KCNH1: variants seen among roughly 807,000 people sequenced by gnomAD.
KCNH1 encodes the protein voltage-gated delayed rectifier potassium channel KCNH1.
Under a neutral mutation model 69.2 loss-of-function variants are expected in KCNH1, and 27 were observed. That is an observed-to-expected ratio of 0.39 (90% CI 0.29 to 0.54). The LOEUF (loss-of-function observed/expected upper bound fraction) is 0.54, where lower values mean the gene tolerates loss of function less well. Among genes scored for constraint, KCNH1 ranks in the 20% least tolerant of loss-of-function variants. KCNH1 has a pLI of 0.68. For missense variants in KCNH1, 798 were observed against 1,261.6 expected (o/e 0.63, Z 5.57); for synonymous variants, 456 against 487.7 (o/e 0.93, Z 0.86).
intron 6 of KCNH1, among the ~76,000 whole-genome samples, chr1:211,011,658 T>A (rs990258241): frequency 6.6e-6 from 1 of 152,202 alleles, no homozygotes; most frequent in Non-Finnish European, 1.5e-5. Context: ...GGTTAATCAC[T>A]GCTTCCTGGA....
At chr1:210,742,873 G>A (rs527866266) in intron 10 of KCNH1, among the ~76,000 whole-genome samples, 6 of 152,234 alleles carry the variant, frequency 3.9e-5, no homozygotes, top group South Asian at 2.1e-4. Flanking sequence ...GCGCGTGCAC[G>A]TGCATGTGTG....
intron 7 of KCNH1, among the ~76,000 whole-genome samples, chr1:210,909,441 A>G (rs1007004563): frequency 2.0e-5 from 3 of 152,264 alleles, no homozygotes; most frequent in African/African-American, 7.2e-5. Flanking sequence ...ATCAACTAGC[A>G]GGCCATCTGT....
At chr1:210,894,412 C>T (rs2102526896) in intron 7 of KCNH1, among the ~76,000 whole-genome samples, 1 of 152,294 alleles carries the variant, frequency 6.6e-6, no homozygotes, top group South Asian at 2.1e-4. Flanking sequence ...CTTGTGCAAG[C>T]ACCAGTCACT....
chr1:210,886,628 G>A (rs776013391), intron 7 of KCNH1, among the ~76,000 whole-genome samples: 40 of 151,968 alleles, frequency 2.6e-4, no homozygotes, highest in Middle Eastern at 3.4e-3. Context: ...CTAACCCAAT[G>A]CAAGGAAGCT....
chr1:210,870,789 C>A (rs535649740), intron 7 of KCNH1, among the ~76,000 whole-genome samples: 3 of 152,262 alleles, frequency 2.0e-5, no homozygotes, highest in African/African-American at 7.2e-5. Flanking sequence ...CTTCCCACTG[C>A]AGTTGCCTTT....
At chr1:211,132,833 A>C (rs1400262705) in intron 1 of KCNH1, 4 of 152,206 alleles carry the variant, frequency 2.6e-5, no homozygotes, top group Non-Finnish European at 5.9e-5. Context: ...AGAGCATCTT[A>C]TGCTTGGCTA....
At chr1:210,794,523 A>T (rs1684269347) in intron 9 of KCNH1, among the ~76,000 whole-genome samples, 1 of 152,232 alleles carries the variant, frequency 6.6e-6, no homozygotes, top group Non-Finnish European at 1.5e-5. Context: ...GTAATTCAAC[A>T]ATAAATCAAG....
In KCNH1 at chr1:210,696,412, A is replaced by C. The variant is rs111683223; in HGVS notation, c.2113-12274T>G. Among the ~76,000 whole-genome samples, 1,485 of 151,784 alleles carry C rather than the reference A, an allele frequency of 9.8e-3. 11 individuals are homozygous for C. Among genetic ancestry groups the C allele is most frequent in the Middle Eastern group, 0.031 (9 of 294 alleles). ...TTGCTCTTTTAGCCTTTCAACTCCAACTCCATGATTTAAATCCTCTCTTAA... is the reference window on the plus strand; with the variant it reads ...TTGCTCTTTTAGCCTTTCAACTCCACCTCCATGATTTAAATCCTCTCTTAA... On this transcript the variant is annotated intron_variant, in intron 10 of 10. Transcript: ENST00000271751.
intron 6 of KCNH1, among the ~76,000 whole-genome samples, chr1:210,929,444 A>T (rs553755957): frequency 6.6e-6 from 1 of 152,318 alleles, no homozygotes; most frequent in South Asian, 2.1e-4. Flanking sequence ...TTATCTCAAT[A>T]GACACAGAAA....
chr1:210,749,053 C>G (rs2149041462), intron 10 of KCNH1, among the ~76,000 whole-genome samples: 1 of 152,300 alleles, frequency 6.6e-6, no homozygotes, highest in African/African-American at 2.4e-5. Flanking sequence ...TCCCCAGGCT[C>G]TCCTGCTTTC....
intron 5 of KCNH1, among the ~76,000 whole-genome samples, chr1:211,039,604 A>C (rs4951710): frequency 0.76 from 114,842 of 152,076 alleles, 43,797 homozygotes; most frequent in East Asian, 0.89. Flanking sequence ...TGGGAACGTA[A>C]CTCTTGCATC....
intron 5 of KCNH1, among the ~76,000 whole-genome samples, chr1:211,066,967 A>G (rs773383031): frequency 9.9e-5 from 15 of 152,124 alleles, no homozygotes; most frequent in Non-Finnish European, 1.9e-4. Context: ...TCACAATTGC[A>G]TATCTCAGAT....
chr1:210,718,477 A>ATATATACAT (rs1682343289), intron 10 of KCNH1, among the ~76,000 whole-genome samples: 1 of 58,514 alleles, frequency 1.7e-5, no homozygotes, highest in African/African-American at 6.9e-5. Flanking sequence ...ATATATATAA[A>ATATATACAT]ATATATACAT....
At chr1:210,815,413 G>C (rs1366378767) in intron 7 of KCNH1, among the ~76,000 whole-genome samples, 1 of 152,160 alleles carries the variant, frequency 6.6e-6, no homozygotes, top group Non-Finnish European at 1.5e-5. Context: ...GTGAGAATGA[G>C]AGAACCATCC....
chr1:211,125,335 T>G (rs1228124028), intron 1 of KCNH1, among the ~76,000 whole-genome samples: 1 of 152,084 alleles, frequency 6.6e-6, no homozygotes, highest in African/African-American at 2.4e-5. Context: ...ACAGAAACTA[T>G]TCAGTACCTT....
At position 210,797,368 on chromosome 1, in the gene KCNH1, T is replaced by G. The variant is rs560411366; in HGVS notation, c.1915+140A>C. ...GCCAAACAGGCTCTCGCCGTTTGAT[T>G]GTTGGATAGATAAGTGAATATTAGC... On this transcript the variant is annotated intron_variant, in intron 9 of 10. Transcript: ENST00000271751. 1.9e-5 allele frequency: 17 copies of G among 917,856 alleles called. No individual in the cohort carries two copies. In the African/African-American group the frequency reaches 2.5e-4, roughly 13 times the overall value. The allele number at this position is 917,856 out of a possible 1,614,324, so 56.9% of individuals were successfully genotyped here.
intron 5 of KCNH1, among the ~76,000 whole-genome samples, chr1:211,051,250 G>T (rs551374282): frequency 6.6e-6 from 1 of 151,998 alleles, no homozygotes. Context: ...TGCCCACCTC[G>T]GCCTCCCAAA....
rs547996083 is a variant in KCNH1, at chr1:210,771,015, C to T, written c.2112+4333G>A. Among the ~76,000 whole-genome samples, 85 of 152,268 alleles carry T rather than the reference C, an allele frequency of 5.6e-4. 1 individual carries two copies. Among genetic ancestry groups the T allele is most frequent in the African/African-American group, 1.9e-3 (81 of 41,560 alleles). Reference sequence around the variant, plus strand: ...GGAATGATACAGTAATGTCATGAGGCTGTTCCGAAGATGTAATAAGCTGAC... The same window carrying T: ...GGAATGATACAGTAATGTCATGAGGTTGTTCCGAAGATGTAATAAGCTGAC... On this transcript the variant is annotated intron_variant, in intron 10 of 10. Coordinates refer to ENST00000271751, the MANE Select transcript of KCNH1 (RefSeq NM_172362.3).
intron 6 of KCNH1, among the ~76,000 whole-genome samples, chr1:210,921,475 C>T (rs1687458094): frequency 6.6e-6 from 1 of 152,216 alleles, no homozygotes; most frequent in African/African-American, 2.4e-5. Flanking sequence ...AATAACAACA[C>T]TCCAAGGGTC....
Sources: allele counts gnomAD v4.1 joint callset (sites outside exome capture counted in the v4.1 genomes callset), GRCh38; gene constraint gnomAD v4.1.1; transcripts MANE v1.5; gene names NCBI Gene and HGNC (gene_info 2026-07-23, HGNC 2026-07-21).